The following FERMT1 variants were observed in gnomAD, a reference collection of about 807,000 sequenced individuals.
FERMT1 encodes the protein FERM domain containing kindlin 1, also known as fermitin family homolog 1.
A neutral mutation model predicts 85.3 loss-of-function variants in FERMT1; 60 were observed. The observed-to-expected ratio is 0.70, with a 90% CI of 0.57 to 0.87. The LOEUF (loss-of-function observed/expected upper bound fraction) is 0.87. Ranked by LOEUF, FERMT1 falls within the 40% of genes least tolerant of loss-of-function variation. FERMT1 has a pLI of 0.00. For missense variants in FERMT1, 701 were observed against 818.9 expected (o/e 0.86, Z 1.76); for synonymous variants, 275 against 301.1 (o/e 0.91, Z 0.90).
intron 3 of FERMT1, 31 bp downstream of exon 3, chr20:6,115,780 C>T: frequency 6.6e-7 from 1 of 1,516,494 alleles, no homozygotes; most frequent in Admixed American, 1.7e-5. Flanking sequence ...CAAGAGTCTA[C>T]AGGGCACAGG....
Position 6,076,137 on chromosome 20 carries a change from C to G in FERMT1, c.*1036G>C, listed in dbSNP as rs565068120. Reference sequence around the variant, plus strand: ...CCAAATCCAGGAGAACACAGACCAGCGATAAGAGGGACGCTTCCCCATGAC... The same window carrying G: ...CCAAATCCAGGAGAACACAGACCAGGGATAAGAGGGACGCTTCCCCATGAC... On this transcript the variant is annotated 3_prime_UTR_variant, in exon 15 of 15. Coordinates refer to ENST00000217289, the MANE Select transcript of FERMT1 (RefSeq NM_017671.5). The G allele has an allele frequency of 1.8e-5, 4 of 221,936 alleles. No homozygotes were observed. In the East Asian group the frequency reaches 5.0e-4, roughly 28 times the overall value. 13.7% of individuals were successfully genotyped at this position (221,936 alleles called of 1,614,324 possible).
intron 3 of FERMT1, among the ~76,000 whole-genome samples, chr20:6,113,685 G>A (rs958993288): frequency 5.9e-5 from 9 of 152,212 alleles, no homozygotes; most frequent in African/African-American, 2.2e-4. Flanking sequence ...GCAACCTTCA[G>A]TGACTATCCA....
intron 11 of FERMT1, 121 bp downstream of exon 11, chr20:6,087,652 ATTGT>A (rs776500400): frequency 3.7e-5 from 27 of 732,172 alleles, no homozygotes; most frequent in Admixed American, 5.7e-5. Flanking sequence ...TTACACTGTG[ATTGT>A]TTGTTACAAA....
rs1156338197 is a variant in FERMT1, at chr20:6,076,407, C to T, written c.*766G>A. 1.9e-6 allele frequency: 1 copy of T among 515,856 alleles called. No homozygotes were observed. Among genetic ancestry groups the T allele is most frequent in the Admixed American group, 2.0e-5 (1 of 51,180 alleles). 32.0% of individuals were successfully genotyped at this position (515,856 alleles called of 1,614,324 possible). ...GGGTTGAGAAATGGGTTTTCCTGTC[C>T]CCCTGTGTCACCCACATCTTCACAA... On this transcript the variant is annotated 3_prime_UTR_variant, in exon 15 of 15. Transcript: ENST00000217289.
intron 13 of FERMT1, 58 bp from the exon 14 acceptor site, chr20:6,079,635 C>A: frequency 6.8e-7 from 1 of 1,473,324 alleles, no homozygotes; most frequent in South Asian, 1.1e-5. Flanking sequence ...ATACAATGTT[C>A]ACTCACATAT....
chr20:6,086,647 T>A (rs988628753), intron 11 of FERMT1, among the ~76,000 whole-genome samples: 6 of 152,168 alleles, frequency 3.9e-5, no homozygotes, highest in African/African-American at 1.4e-4. Flanking sequence ...GATTGGATCA[T>A]GGGGGCAGAT....
rs1981789031 is a variant in FERMT1 at position 6,075,473 on chromosome 20, A to G, written c.*1700T>C. ...TTATGATGTGAACCAGATTTTCCAA[A>G]TGCCTAAACCACTTCTGAGCTTTAA... On this transcript the variant is annotated 3_prime_UTR_variant, in exon 15 of 15. Transcript: ENST00000217289. 1 of 152,350 alleles carries G rather than the reference A, an allele frequency of 6.6e-6. No individual in the cohort carries two copies. Among genetic ancestry groups the G allele is most frequent in the Admixed American group, 6.5e-5 (1 of 15,284 alleles). The allele number at this position is 152,350 out of a possible 1,614,324, so 9.4% of individuals were successfully genotyped here. A position where few individuals can be genotyped will look rare whatever the true frequency, so the allele number is the denominator to read the frequency against.
In FERMT1 at chr20:6,096,493, T is replaced by C. The variant is rs541588083; in HGVS notation, c.1089+409A>G. Among the ~76,000 whole-genome samples, 94 of 152,228 alleles carry C rather than the reference T, an allele frequency of 6.2e-4. 4 individuals carry two copies. In the South Asian group the frequency reaches 0.011, roughly 18 times the overall value. On this transcript the variant is annotated intron_variant, in intron 8 of 14. Coordinates refer to ENST00000217289, the MANE Select transcript of FERMT1 (RefSeq NM_017671.5). ...TGAGCCTTGATTGCACTACTGATTGTCTCAGAAAAAAGAAAAAAGGAAACA... is the reference window on the plus strand; with the variant it reads ...TGAGCCTTGATTGCACTACTGATTGCCTCAGAAAAAAGAAAAAAGGAAACA...
chr20:6,111,109 A>T (rs546138502), intron 4 of FERMT1, among the ~76,000 whole-genome samples: 1 of 152,184 alleles, frequency 6.6e-6, no homozygotes, highest in South Asian at 2.1e-4. Flanking sequence ...GCTAATGGAG[A>T]CCACCTCTTT....
At chr20:6,098,320 G>T (rs562492540) in intron 6 of FERMT1, among the ~76,000 whole-genome samples, 2 of 152,310 alleles carry the variant, frequency 1.3e-5, no homozygotes, top group Admixed American at 1.3e-4. Flanking sequence ...AGCAGAATCC[G>T]ATAGGATTTT....
chr20:6,089,063 A>G lies in FERMT1; in HGVS notation c.1166T>C (p.Phe389Ser), dbSNP rs1480496172. The change falls in exon 10 of 15, where the codon TTC becomes TCC. Residue 389 changes from phenylalanine (F) to serine (S), a missense_variant. Transcript: ENST00000217289. Reference sequence around the variant, plus strand: ...TTTAAAGATAAACCAATATTGTTTGAAAGCTTTTGGTAGTAACTTCTTGGG... The same window carrying G: ...TTTAAAGATAAACCAATATTGTTTGGAAGCTTTTGGTAGTAACTTCTTGGG... ...FRPKKLLPKA[F>S]KQYWFIFKDT... is the part of the protein sequence containing the mutation. 4 of 1,612,664 alleles carry G rather than the reference A, an allele frequency of 2.5e-6. No individual in the cohort carries two copies. In the East Asian group the frequency reaches 8.9e-5, roughly 36 times the overall value.
At chr20:6,087,013 G>A (rs984441628) in intron 11 of FERMT1, among the ~76,000 whole-genome samples, 4 of 152,104 alleles carry the variant, frequency 2.6e-5, no homozygotes, top group Non-Finnish European at 5.9e-5. Context: ...CTTGACTGCA[G>A]GCTCAGTCAT....
intron 9 of FERMT1, among the ~76,000 whole-genome samples, chr20:6,093,171 A>G (rs1371189280): frequency 6.6e-6 from 1 of 152,186 alleles, no homozygotes; most frequent in Non-Finnish European, 1.5e-5. Context: ...GTCTAGGGAA[A>G]TGAAGGGCCT....
chr20:6,117,680 C>T (rs1467984545), intron 2 of FERMT1, among the ~76,000 whole-genome samples: 1 of 152,110 alleles, frequency 6.6e-6, no homozygotes, highest in Admixed American at 6.5e-5. Flanking sequence ...GATCCACCCA[C>T]CTCAGCCTTC....
chr20:6,093,349 A>AGAGTATAAAATTT (rs1441624329), intron 9 of FERMT1, among the ~76,000 whole-genome samples: 2 of 152,174 alleles, frequency 1.3e-5, no homozygotes, highest in Non-Finnish European at 2.9e-5. Flanking sequence ...CTGGCCAAAT[A>AGAGTATAAAATTT]TGAGGGCAAT....
chr20:6,087,034 T>A (rs1397357516), intron 11 of FERMT1, among the ~76,000 whole-genome samples: 1 of 152,132 alleles, frequency 6.6e-6, no homozygotes, highest in East Asian at 1.9e-4. Context: ...GTCTTCTGCT[T>A]TGGCCAATGG....
chr20:6,082,341 C>A (rs6117071), intron 13 of FERMT1, among the ~76,000 whole-genome samples: 2 of 152,104 alleles, frequency 1.3e-5, no homozygotes, highest in South Asian at 4.2e-4. Context: ...GGAGAAGCTG[C>A]GCTTGGGGAG....
intron 8 of FERMT1, among the ~76,000 whole-genome samples, chr20:6,096,241 C>T (rs955166812): frequency 6.6e-6 from 1 of 152,136 alleles, no homozygotes; most frequent in Non-Finnish European, 1.5e-5. Flanking sequence ...AAAGAATTTT[C>T]TTGGCCGGTC....
At position 6,109,217 on chromosome 20, in the gene FERMT1, T is replaced by A. The variant is rs75823779; in HGVS notation, c.746+1081A>T. On this transcript the variant is annotated intron_variant, in intron 5 of 14. Coordinates refer to ENST00000217289, the MANE Select transcript of FERMT1 (RefSeq NM_017671.5). ...CCAAGCCTCAAATAAAGGGACAATG[T>A]GATGTTGGAGTGAGCAAAGTGTCAG... Among the ~76,000 whole-genome samples, 104 of 152,102 alleles carry A rather than the reference T, an allele frequency of 6.8e-4. 1 individual carries two copies. Among genetic ancestry groups the A allele is most frequent in the Admixed American group, 5.0e-3 (77 of 15,282 alleles).
Sources: allele counts gnomAD v4.1 joint callset (sites outside exome capture counted in the v4.1 genomes callset), GRCh38; gene constraint gnomAD v4.1.1; transcripts MANE v1.5; gene names NCBI Gene and HGNC (gene_info 2026-07-23, HGNC 2026-07-21).